The following RIF1 variants were observed in gnomAD, a reference collection of about 807,000 sequenced individuals.
RIF1 encodes replication timing regulatory factor 1, also known as telomere-associated protein RIF1.
A neutral mutation model predicts 247.1 loss-of-function variants in RIF1; 45 were observed. The observed-to-expected ratio is 0.18, with a 90% confidence interval of 0.14 to 0.23. RIF1 has a LOEUF of 0.23. Ranked by LOEUF, RIF1 falls within the 10% of genes least tolerant of loss-of-function variation. The pLI is 1.00. For missense variants in RIF1, 2,967 were observed against 2,862.5 expected, an observed-to-expected ratio of 1.04 and a Z score of -0.83; for synonymous variants, 1,087 against 978.8, an observed-to-expected ratio of 1.11 and a Z score of -2.06.
intron 8 of RIF1, among the ~76,000 whole-genome samples, chr2:151,425,211 A>G (rs1052067081): frequency 2.6e-4 from 39 of 151,978 alleles, no homozygotes; most frequent in African/African-American, 9.2e-4. Flanking sequence ...TCTGTGGAGA[A>G]ATGTCTAAGT....
chr2:151,413,067 C>G (rs1215700410), intron 3 of RIF1, among the ~76,000 whole-genome samples: 1 of 148,206 alleles, frequency 6.7e-6, no homozygotes, highest in South Asian at 2.1e-4. Flanking sequence ...TTTTTTGAGA[C>G]GGAGTTTTGC....
chr2:151,431,181 C>G (rs1690059963), intron 9 of RIF1, among the ~76,000 whole-genome samples: 1 of 152,152 alleles, frequency 6.6e-6, no homozygotes, highest in South Asian at 2.1e-4. Context: ...ATCAAGGAAT[C>G]AGATGACTGT....
Position 151,478,208 on chromosome 2 carries a change from A to C in RIF1, c.*3137A>C, listed in dbSNP as rs138401505. On this transcript the variant is annotated 3_prime_UTR_variant, in exon 36 of 36. Transcript: ENST00000444746. ...AATAATGCTGTTGGATAATACAGGC[A>C]AAAACAGGATTTAAACCCGCACATT... The C allele has an allele frequency of 6.6e-6, 1 of 152,244 alleles. No individual in the cohort carries two copies. 9.4% of individuals were successfully genotyped at this position (152,244 alleles called of 1,614,324 possible).
chr2:151,437,488 C>G, intron 13 of RIF1, 137 bp downstream of exon 13: 1 of 635,046 alleles, frequency 1.6e-6, no homozygotes, highest in Non-Finnish European at 2.8e-6. Flanking sequence ...CTCAGGAGTT[C>G]GAGACCAGCC....
the RIF1 span, chr2:151,531,707 A>T: frequency 9.5e-7 from 1 of 1,055,798 alleles, no homozygotes; most frequent in Non-Finnish European, 1.4e-6. Context: ...GTAGTCTCCC[A>T]GACTTTGTGA....
At chr2:151,472,242 G>C (rs1284025504) in intron 34 of RIF1, among the ~76,000 whole-genome samples, 3 of 152,182 alleles carry the variant, frequency 2.0e-5, no homozygotes, top group Admixed American at 2.0e-4. Context: ...CTTTGCTGAA[G>C]TTGCTTATTG....
rs77732019 is a variant in RIF1, at chr2:151,496,814, A to T, written c.*513+1488A>T. The stretch of plus-strand genomic sequence containing the variant: ...TAGAAGTAGCCCAAAGGAAAAAAGG[A>T]TAAATTTGCTAAAGAAAGAAGTTCA... On this transcript the variant is annotated intron_variant and NMD_transcript_variant, in intron 10 of 13. Transcript: ENST00000454583. The T allele has an allele frequency of 7.6e-6, 9 of 1,191,532 alleles. No individual in the cohort carries two copies. In the East Asian group the frequency reaches 2.1e-4, roughly 27 times the overall value. 73.8% of individuals were successfully genotyped at this position (1,191,532 alleles called of 1,614,324 possible).
chr2:151,525,370 C>T, the RIF1 span: 1 of 881,276 alleles, frequency 1.1e-6, no homozygotes, highest in Admixed American at 2.1e-5. Flanking sequence ...ATCCATGCTC[C>T]CCATTTTGGC....
rs1688406754 is a variant in RIF1 at position 151,422,809 on chromosome 2, A to C, written c.694-141A>C. Reference sequence around the variant, plus strand: ...TGGGATTACAGGCTTGACCCACCGCACCTGGCCTTGGGTGGGGTAATATTT... The same window carrying C: ...TGGGATTACAGGCTTGACCCACCGCCCCTGGCCTTGGGTGGGGTAATATTT... On this transcript the variant is annotated intron_variant, in intron 7 of 35. Coordinates refer to ENST00000444746, the MANE Select transcript of RIF1 (RefSeq NM_018151.5). 4 of 528,474 alleles carry C rather than the reference A, an allele frequency of 7.6e-6. No homozygotes were observed. The Admixed American group carries it at 1.4e-4, about 18-fold the overall frequency. 32.7% of individuals were successfully genotyped at this position (528,474 alleles called of 1,614,324 possible). A position where few individuals can be genotyped will look rare whatever the true frequency, so the allele number is the denominator to read the frequency against.
At chr2:151,460,534 ACTAG>A (rs1695976854) in intron 26 of RIF1, among the ~76,000 whole-genome samples, 1 of 15,944 alleles carries the variant, frequency 6.3e-5, no homozygotes, top group Non-Finnish European at 1.9e-4. Context: ...GTTCTTATCA[ACTAG>A]CTCATGCTAG....
the RIF1 span, chr2:151,534,263 A>T: frequency 6.2e-7 from 1 of 1,613,794 alleles, no homozygotes; most frequent in African/African-American, 1.3e-5. Flanking sequence ...GTCTAGGCTC[A>T]TCGACTACCA....
At chr2:151,534,080 G>C in the RIF1 span, 2 of 678,408 alleles carry the variant, frequency 2.9e-6, no homozygotes, top group African/African-American at 3.6e-5. Flanking sequence ...TGGGTGGCTA[G>C]ACAGATACTT....
chr2:151,534,202 C>T, the RIF1 span: 1 of 1,606,438 alleles, frequency 6.2e-7, no homozygotes, highest in Non-Finnish European at 8.5e-7. Context: ...ACCGGCCAGC[C>T]CCATCACAGT....
chr2:151,498,202 A>AAAG (rs1279481722), intron 10 of RIF1: 1 of 1,549,168 alleles, frequency 6.5e-7, no homozygotes, highest in Admixed American at 2.0e-5. Context: ...AAATAAATGT[A>AAAG]AAGATCAGTT....
Position 151,468,848 on chromosome 2 carries a change from G to C in RIF1, c.6941+92G>C, listed in dbSNP as rs560869979. 147 of 906,582 alleles carry C rather than the reference G, an allele frequency of 1.6e-4. 1 individual carries two copies. The South Asian group carries it at 2.1e-3, about 13-fold the overall frequency. The allele number at this position is 906,582 out of a possible 1,614,324, so 56.2% of individuals were successfully genotyped here. A position where few individuals can be genotyped will look rare whatever the true frequency, so the allele number is the denominator to read the frequency against. ...TTGCTTGGTTCTCATGTTTAGAATT[G>C]ATTGGCATGTACTCTCACACACATT... On this transcript the variant is annotated intron_variant, in intron 33 of 35. Transcript: ENST00000444746.
At chr2:151,524,186 G>A in the RIF1 span, 5 of 769,722 alleles carry the variant, frequency 6.5e-6, no homozygotes, top group East Asian at 1.1e-4. Context: ...ATAACTCTTG[G>A]AAGCTTTGCA....
chr2:151,454,814 G>C, intron 21 of RIF1, 81 bp from the exon 22 acceptor site: 1 of 1,010,212 alleles, frequency 9.9e-7, no homozygotes, highest in Non-Finnish European at 1.4e-6. Context: ...ATTTAAATGT[G>C]AGCTATAAAT....
chr2:151,451,598 T>C lies in RIF1; in HGVS notation c.2245-8T>C. ...GAATGTTTCTAACAGTGGTACTTTC[T>C]TCCCTAGAATTTGTTGTTCGTGGAT... On this transcript the variant is annotated splice_region_variant and splice_polypyrimidine_tract_variant and intron_variant, in intron 20 of 35. Transcript: ENST00000444746. The C allele has an allele frequency of 1.6e-6, 2 of 1,281,516 alleles. No homozygotes were observed. The highest frequency in any genetic ancestry group is 2.3e-6 in the Non-Finnish European group (2 of 878,314). 79.4% of individuals were successfully genotyped at this position (1,281,516 alleles called of 1,614,324 possible).
At position 151,477,863 on chromosome 2, in the gene RIF1, C is replaced by T. The variant is rs1375238014; in HGVS notation, c.*2792C>T. Reference sequence around the variant, plus strand: ...TAGCTGGGATTACAGGTGCCTGCCACCACCACTGGTTAATTTTTGTATTTT... The same window carrying T: ...TAGCTGGGATTACAGGTGCCTGCCATCACCACTGGTTAATTTTTGTATTTT... On this transcript the variant is annotated 3_prime_UTR_variant, in exon 36 of 36. Transcript: ENST00000444746. The T allele has an allele frequency of 6.6e-6, 1 of 152,324 alleles. No individual in the cohort carries two copies. The highest frequency in any genetic ancestry group is 1.5e-5 in the Non-Finnish European group (1 of 68,176). 9.4% of individuals were successfully genotyped at this position (152,324 alleles called of 1,614,324 possible).
Sources: gnomAD v4.1 joint callset for allele counts (sites outside exome capture counted in the v4.1 genomes callset) on GRCh38, gnomAD v4.1.1 for gene constraint, MANE v1.5 for transcripts, NCBI Gene and HGNC (gene_info 2026-07-23, HGNC 2026-07-21) for gene names.